The following ADCY3 variants were observed in gnomAD, a reference collection of about 807,000 sequenced individuals.
ADCY3 encodes the protein adenylate cyclase 3.
In ADCY3, 70 loss-of-function variants were observed where a neutral mutation model predicts 119.4. The observed-to-expected ratio is 0.59, with a 90% CI of 0.48 to 0.72. ADCY3 has a LOEUF of 0.72. Ranked by LOEUF, ADCY3 falls within the 30% of genes least tolerant of loss-of-function variation. The pLI is 0.00. For synonymous variants in ADCY3, 672 were observed against 621.4 expected (o/e 1.08, Z -1.21); for missense variants, 1,238 against 1,541.6 (o/e 0.80, Z 3.30).
intron 2 of ADCY3, among the ~76,000 whole-genome samples, chr2:24,883,326 C>G (rs760326502): frequency 6.6e-6 from 1 of 150,548 alleles, no homozygotes; most frequent in African/African-American, 2.5e-5. Context: ...CCAGCCTGGG[C>G]GACACAGAGA....
intron 3 of ADCY3, among the ~76,000 whole-genome samples, chr2:24,864,947 C>A (rs781620633): frequency 1.1e-4 from 17 of 152,150 alleles, no homozygotes; most frequent in Non-Finnish European, 2.5e-4. Context: ...GGTTTTTATT[C>A]TTCCACAGAT....
At chr2:24,896,003 G>A (rs1678227191) in intron 2 of ADCY3, among the ~76,000 whole-genome samples, 1 of 152,088 alleles carries the variant, frequency 6.6e-6, no homozygotes, top group Non-Finnish European at 1.5e-5. Context: ...CCCTAGAGGT[G>A]CTACTGGATC....
At position 24,823,264 on chromosome 2, in the gene ADCY3, T is replaced by C; in HGVS notation, c.2828A>G (p.Asn943Ser). The C allele has an allele frequency of 2.5e-6, 4 of 1,613,604 alleles. No individual in the cohort carries two copies. Among genetic ancestry groups the C allele is most frequent in the Admixed American group, 1.7e-5 (1 of 59,834 alleles). ...ADFYTEESINNGGIECLRFLN... is the reference protein window; with the variant it reads ...ADFYTEESINSGGIECLRFLN... ...GAAACGCAGACACTCAATACCACCA[T>C]TGTTGATGCTCTCCTCTGTGTAGAA... Residue 943 changes from asparagine (N) to serine (S), a missense_variant, in exon 18 of 22, where the codon AAT becomes AGT. This residue lies in a region of ADCY3 where 37 missense variants were observed against 73.5 expected (regional missense o/e 0.50). Transcript: ENST00000679454.
intron 6 of ADCY3, 89 bp from the exon 7 acceptor site, chr2:24,840,120 G>T: frequency 6.6e-7 from 1 of 1,508,082 alleles, no homozygotes; most frequent in Non-Finnish European, 9.0e-7. Context: ...ATTCATTGTG[G>T]GCCTCTTCCC....
rs1663652057 is a variant in ADCY3, at chr2:24,911,591, A to G, written c.675+6722T>C. On this transcript the variant is annotated intron_variant, in intron 2 of 21. Transcript: ENST00000679454. Reference sequence around the variant, plus strand: ...CTTGAACCTGGGAAGCGGAGGCTGCAGTGAGCCAAGATAGCATCATTGCAC... The same window carrying G: ...CTTGAACCTGGGAAGCGGAGGCTGCGGTGAGCCAAGATAGCATCATTGCAC... 3.4e-5 allele frequency among the ~76,000 whole-genome samples: 5 copies of G among 146,460 alleles called. 1 individual carries two copies. In the South Asian group the frequency reaches 1.1e-3, roughly 32 times the overall value.
At position 24,824,521 on chromosome 2, in the gene ADCY3, G is replaced by T; in HGVS notation, c.2593C>A (p.Arg865=). Residue 865 remains arginine, a synonymous_variant, in exon 17 of 22, where the codon CGG becomes AGG. Coordinates refer to ENST00000679454, the MANE Select transcript of ADCY3 (RefSeq NM_004036.5). The stretch of plus-strand genomic sequence containing the variant: ...TCAATCTTCCACAAGAAAAGTGTCC[G>T]TGCCAGTTTTTCTACCTACAGACAC... ...YFSRHVEKLA[R]TLFLWKIEVH... 1 of 1,614,134 alleles carries T rather than the reference G, an allele frequency of 6.2e-7. No homozygotes were observed. The highest frequency in any genetic ancestry group is 8.5e-7 in the Non-Finnish European group (1 of 1,179,982).
In ADCY3 at chr2:24,918,994, T is replaced by G; in HGVS notation, c.-7A>C. Reference sequence around the variant, plus strand: ...AGCCCTGGTTCCTCGGCATACTGGCTGGTGTCTGCTACTGGCCCTAGAGAA... The same window carrying G: ...AGCCCTGGTTCCTCGGCATACTGGCGGGTGTCTGCTACTGGCCCTAGAGAA... On this transcript the variant is annotated 5_prime_UTR_variant, in exon 2 of 22. Coordinates refer to ENST00000679454, the MANE Select transcript of ADCY3 (RefSeq NM_004036.5). This position sits in a 1 kb window ranked among gnomAD's most constrained non-coding sequence, Gnocchi z 5.4. The G allele has an allele frequency of 6.5e-7, 1 of 1,549,884 alleles. No homozygotes were observed. Among genetic ancestry groups the G allele is most frequent in the Non-Finnish European group, 8.7e-7 (1 of 1,152,468 alleles).
chr2:24,862,363 G>A (rs534121061), intron 3 of ADCY3, among the ~76,000 whole-genome samples: 16 of 152,126 alleles, frequency 1.1e-4, no homozygotes, highest in Non-Finnish European at 2.2e-4. Context: ...TGGCTAACAC[G>A]GTGAAACCCC....
At chr2:24,906,944 A>G (rs1662912645) in intron 2 of ADCY3, among the ~76,000 whole-genome samples, 1 of 152,150 alleles carries the variant, frequency 6.6e-6, no homozygotes, top group South Asian at 2.1e-4. Flanking sequence ...CACCCTGGCC[A>G]TCATGGTGAA....
At position 24,827,856 on chromosome 2, in the gene ADCY3, C is replaced by T. The variant is rs757211680; in HGVS notation, c.2432+46G>A. On this transcript the variant is annotated intron_variant, in intron 14 of 21. Transcript: ENST00000679454. Reference sequence around the variant, plus strand: ...GAGCTTGAACTGAGGACTTTGCGGGCGGGAGGAAGGAGACAATACAGATCC... The same window carrying T: ...GAGCTTGAACTGAGGACTTTGCGGGTGGGAGGAAGGAGACAATACAGATCC... 3.8e-5 allele frequency: 61 copies of T among 1,606,116 alleles called. 1 individual carries two copies. The highest frequency in any genetic ancestry group is 6.7e-5 in the East Asian group (3 of 44,744).
intron 13 of ADCY3, among the ~76,000 whole-genome samples, chr2:24,830,174 G>A (rs1669274347): frequency 6.6e-6 from 1 of 150,690 alleles, no homozygotes; most frequent in Admixed American, 6.6e-5. Context: ...CCAAGTAGCT[G>A]GGATTACAGG....
At chr2:24,857,306 C>T (rs936938466) in intron 3 of ADCY3, among the ~76,000 whole-genome samples, 3 of 152,220 alleles carry the variant, frequency 2.0e-5, no homozygotes, top group Non-Finnish European at 4.4e-5. Context: ...ACCTGGAGCC[C>T]TCACCACGAA....
intron 2 of ADCY3, among the ~76,000 whole-genome samples, chr2:24,893,750 G>A (rs926211646): frequency 6.6e-6 from 1 of 151,676 alleles, no homozygotes; most frequent in Non-Finnish European, 1.5e-5. Flanking sequence ...TGGGACTACA[G>A]GCACACACCA....
rs1397232547 is a variant in ADCY3, at chr2:24,919,182, G to C, written c.-195C>G. 7 of 602,124 alleles carry C rather than the reference G, an allele frequency of 1.2e-5. No individual in the cohort carries two copies. Among genetic ancestry groups the C allele is most frequent in the African/African-American group, 1.1e-4 (6 of 53,878 alleles). The allele number at this position is 602,124 out of a possible 1,614,324, so 37.3% of individuals were successfully genotyped here. ...GAGCACAGGTAGCACTGATCAGCTA[G>C]AACTGAAAAGGGCATTGCTGAGTAG... On this transcript the variant is annotated splice_region_variant and 5_prime_UTR_variant, in exon 2 of 22. Transcript: ENST00000679454. The surrounding 1 kb of genome is among the most constrained non-coding windows in gnomAD (Gnocchi z 5.5).
At chr2:24,889,751 G>A (rs757994625) in intron 2 of ADCY3, among the ~76,000 whole-genome samples, 6 of 152,214 alleles carry the variant, frequency 3.9e-5, no homozygotes, top group Non-Finnish European at 7.3e-5. Context: ...CAGGAGAATC[G>A]CTTGAACCCG....
chr2:24,869,783 G>A (rs1674740913), intron 3 of ADCY3, among the ~76,000 whole-genome samples: 1 of 152,104 alleles, frequency 6.6e-6, no homozygotes, highest in Admixed American at 6.6e-5. Context: ...ACTATCAGGG[G>A]TTAGAAACTT....
chr2:24,828,345 C>T (rs542874044), intron 13 of ADCY3, among the ~76,000 whole-genome samples, 184 bp from the exon 14 acceptor site: 1 of 152,306 alleles, frequency 6.6e-6, no homozygotes, highest in East Asian at 1.9e-4. Context: ...CAGCTAAGAG[C>T]CTCGCCGTTG....
At chr2:24,837,978 T>C (rs1670509036) in intron 8 of ADCY3, among the ~76,000 whole-genome samples, 1 of 151,710 alleles carries the variant, frequency 6.6e-6, no homozygotes, top group African/African-American at 2.4e-5. Flanking sequence ...CCTGCTCTAT[T>C]ACTTCTATCT....
intron 3 of ADCY3, among the ~76,000 whole-genome samples, chr2:24,865,143 C>A (rs1273750485): frequency 6.6e-6 from 1 of 152,132 alleles, no homozygotes; most frequent in Non-Finnish European, 1.5e-5. Flanking sequence ...GCAATACAGA[C>A]TTAGAATGCT....
Sources: gnomAD v4.1 joint callset for allele counts (sites outside exome capture counted in the v4.1 genomes callset) on GRCh38, gnomAD v4.1.1 for gene constraint, gnomAD v4.1.1 regional missense constraint, Gnocchi (gnomAD v3.1) non-coding constraint, MANE v1.5 for transcripts, NCBI Gene and HGNC (gene_info 2026-07-23, HGNC 2026-07-21) for gene names.